GOLGA1: variants seen among roughly 807,000 people sequenced by gnomAD.
The protein encoded by GOLGA1 is golgin A1, also known as golgin subfamily A member 1.
In GOLGA1, 63 loss-of-function variants were observed where a neutral mutation model predicts 119.7. That is an observed-to-expected ratio of 0.53 (90% CI 0.43 to 0.65). GOLGA1 has a LOEUF of 0.65. Among genes scored for constraint, GOLGA1 ranks in the 30% least tolerant of loss-of-function variants. The pLI, the probability that GOLGA1 is intolerant of heterozygous loss-of-function variation, is 0.00. For synonymous variants in GOLGA1, 318 were observed against 333.4 expected, an observed-to-expected ratio of 0.95 and a Z score of 0.50; for missense variants, 798 against 912.8, an observed-to-expected ratio of 0.87 and a Z score of 1.62.
rs1830966097 is a variant in GOLGA1, at chr9:124,939,863, C to T, written c.-156+243G>A. Among the ~76,000 whole-genome samples the T allele has an allele frequency of 2.6e-5, 4 of 152,174 alleles. No individual in the cohort carries two copies. The South Asian group carries it at 8.3e-4, about 32-fold the overall frequency. ...AGGCATAAGCCACTGCGCCCGGCCT[C>T]ACAGTTTCTTTTCTTAAGAATGTTT... On this transcript the variant is annotated intron_variant, in intron 2 of 22. Transcript: ENST00000373555.
intron 8 of GOLGA1, among the ~76,000 whole-genome samples, chr9:124,922,405 T>C (rs1830588737): frequency 6.7e-6 from 1 of 148,440 alleles, no homozygotes; most frequent in African/African-American, 2.5e-5. Flanking sequence ...ATACAAAAAT[T>C]AGCCGGGCAT....
chr9:124,908,962 T>C (rs991453445), intron 11 of GOLGA1, among the ~76,000 whole-genome samples: 1 of 152,210 alleles, frequency 6.6e-6, no homozygotes, highest in African/African-American at 2.4e-5. Flanking sequence ...TGAGAAGCTT[T>C]TGAATGTTGC....
chr9:124,903,140 T>C (rs979419508), intron 12 of GOLGA1, among the ~76,000 whole-genome samples: 3 of 152,150 alleles, frequency 2.0e-5, no homozygotes, highest in African/African-American at 7.2e-5. Context: ...GGAACGTTCA[T>C]GGTAGCATTA....
In GOLGA1 at chr9:124,903,104, C is replaced by CT. The variant is rs553840196; in HGVS notation, c.1066-2558dup. On this transcript the variant is annotated intron_variant, in intron 12 of 22. Coordinates refer to ENST00000373555, the MANE Select transcript of GOLGA1 (RefSeq NM_002077.4). The stretch of plus-strand genomic sequence containing the variant: ...TATACACTGAAGAGAAATGAAAACA[C>CT]TAAGTCCACACAAAAACCTTGTACA... Among the ~76,000 whole-genome samples the CT allele has an allele frequency of 2.6e-5, 4 of 152,278 alleles. No individual in the cohort carries two copies. In the South Asian group the frequency reaches 8.3e-4, roughly 32 times the overall value.
Position 124,938,793 on chromosome 9 carries a change from T to C in GOLGA1, c.-82A>G. 2 of 1,268,672 alleles carry C rather than the reference T, an allele frequency of 1.6e-6. No individual in the cohort carries two copies. The highest frequency in any genetic ancestry group is 2.2e-6 in the Non-Finnish European group (2 of 922,500). 78.6% of individuals were successfully genotyped at this position (1,268,672 alleles called of 1,614,324 possible). On this transcript the variant is annotated 5_prime_UTR_variant, in exon 3 of 23. An upstream open reading frame in the 5' UTR loses its in-frame stop. Coordinates refer to ENST00000373555, the MANE Select transcript of GOLGA1 (RefSeq NM_002077.4). ...TGTTCAGGATTCAGACAGAGGCGCC[T>C]ACAAAGTTTCAGACATCCAAGCTAG...
chr9:124,886,949 C>G (rs757823000), intron 19 of GOLGA1, among the ~76,000 whole-genome samples: 1 of 151,980 alleles, frequency 6.6e-6, no homozygotes, highest in African/African-American at 2.4e-5. Context: ...TCCTGAGCTT[C>G]GAGGGGACCT....
chr9:124,937,092 G>A (rs558433536), intron 3 of GOLGA1, among the ~76,000 whole-genome samples: 99 of 152,188 alleles, frequency 6.5e-4, no homozygotes, highest in African/African-American at 2.3e-3. Context: ...TTTACTTTAT[G>A]CTTTATACTT....
At chr9:124,880,763 C>A (rs1280891865) in intron 22 of GOLGA1, among the ~76,000 whole-genome samples, 153 bp from the exon 23 acceptor site, 2 of 152,156 alleles carry the variant, frequency 1.3e-5, no homozygotes, top group African/African-American at 4.8e-5. Context: ...GTGCCAGTAA[C>A]CAGTCTGCAG....
At chr9:124,938,980 T>C (rs939057465) in intron 2 of GOLGA1, 114 bp from the exon 3 acceptor site, 10 of 319,132 alleles carry the variant, frequency 3.1e-5, no homozygotes, top group South Asian at 2.2e-4. Flanking sequence ...TGTACACTTA[T>C]AGAACACAAT....
intron 11 of GOLGA1, among the ~76,000 whole-genome samples, chr9:124,911,005 G>A (rs1830328065): frequency 2.6e-5 from 4 of 152,198 alleles, no homozygotes; most frequent in African/African-American, 9.6e-5. Context: ...GAGGCAAAAT[G>A]CAAGCATGGA....
Position 124,899,310 on chromosome 9 carries a change from C to T in GOLGA1, c.1311+19G>A. 2.0e-6 allele frequency: 3 copies of T among 1,537,982 alleles called. No homozygotes were observed. Among genetic ancestry groups the T allele is most frequent in the Non-Finnish European group, 2.6e-6 (3 of 1,138,474 alleles). ...ACCCTGGTGCTCCTGGGCCCACCCT[C>T]TCTTAGCTCTTCACTCACCATCCCT... On this transcript the variant is annotated intron_variant, in intron 14 of 22. Transcript: ENST00000373555.
intron 19 of GOLGA1, among the ~76,000 whole-genome samples, chr9:124,885,643 C>T (rs1240978899): frequency 6.6e-6 from 1 of 152,052 alleles, no homozygotes; most frequent in Non-Finnish European, 1.5e-5. Context: ...GGGAAAGGCA[C>T]TTCCAAACGG....
chr9:124,906,920 ATAAT>A (rs1309275499), intron 12 of GOLGA1, among the ~76,000 whole-genome samples: 4 of 152,224 alleles, frequency 2.6e-5, no homozygotes, highest in African/African-American at 9.6e-5. Flanking sequence ...GTTAGAAGGA[ATAAT>A]TAATATTATA....
At chr9:124,931,462 T>C (rs1830770528) in intron 3 of GOLGA1, 56 bp from the exon 4 acceptor site, 3 of 836,086 alleles carry the variant, frequency 3.6e-6, no homozygotes, top group South Asian at 1.4e-5. Flanking sequence ...ACCACAATAC[T>C]GAGCCAGAAA....
chr9:124,892,990 A>G (rs1829892851), intron 15 of GOLGA1, among the ~76,000 whole-genome samples: 1 of 151,902 alleles, frequency 6.6e-6, no homozygotes, highest in Non-Finnish European at 1.5e-5. Context: ...AGTTTTCTAT[A>G]TGTTTACATT....
chr9:124,939,640 G>A (rs373408695), intron 2 of GOLGA1, among the ~76,000 whole-genome samples: 2 of 127,086 alleles, frequency 1.6e-5, no homozygotes, highest in African/African-American at 6.0e-5. Flanking sequence ...TCGGCTCACC[G>A]CAACCTCCAC....
chr9:124,938,555 T>C (rs746269548), intron 3 of GOLGA1, 22 bp downstream of exon 3: 22 of 1,580,658 alleles, frequency 1.4e-5, no homozygotes, highest in Non-Finnish European at 1.2e-5. Context: ...AGTATCTTTA[T>C]TTCTTAAGTA....
Position 124,880,502 on chromosome 9 carries a change from A to G in GOLGA1, c.*28T>C, listed in dbSNP as rs1248588656. The stretch of plus-strand genomic sequence containing the variant: ...CTTTTCACAGAAAAAGTGTCAACCC[A>G]CGGAGCTCCATCCTTGGGTAGTCCC... On this transcript the variant is annotated 3_prime_UTR_variant, in exon 23 of 23. Coordinates refer to ENST00000373555, the MANE Select transcript of GOLGA1 (RefSeq NM_002077.4). 7.6e-7 allele frequency: 1 copy of G among 1,308,518 alleles called. No homozygotes were observed. Among genetic ancestry groups the G allele is most frequent in the South Asian group, 1.2e-5 (1 of 84,996 alleles). 81.1% of individuals were successfully genotyped at this position (1,308,518 alleles called of 1,614,324 possible). A position where few individuals can be genotyped will look rare whatever the true frequency, so the allele number is the denominator to read the frequency against.
chr9:124,889,223 C>T lies in GOLGA1; in HGVS notation c.1681G>A (p.Ala561Thr). The change falls in exon 18 of 23, where the codon GCA becomes ACA. Residue 561 changes from alanine to threonine, a missense_variant. By Grantham distance (58) the Ala-to-Thr change is moderately conservative. Transcript: ENST00000373555. Reference sequence around the variant, plus strand: ...AGGTCCTCCTGCTCCGCGACCACTGCAGCCTCCTCCGCCTTGAGGGTCCTC... The same window carrying T: ...AGGTCCTCCTGCTCCGCGACCACTGTAGCCTCCTCCGCCTTGAGGGTCCTC... ...ALRTLKAEEA[A>T]VVAEQEDLLR... 6.2e-7 allele frequency: 1 copy of T among 1,613,432 alleles called. No individual in the cohort carries two copies.
Sources: allele counts gnomAD v4.1 joint callset (sites outside exome capture counted in the v4.1 genomes callset), GRCh38; gene constraint gnomAD v4.1.1; transcripts MANE v1.5; gene names NCBI Gene and HGNC (gene_info 2026-07-23, HGNC 2026-07-21).